ATP2B2: variants seen among roughly 807,000 people sequenced by gnomAD.
The protein encoded by ATP2B2 is ATPase plasma membrane Ca2+ transporting 2.
A neutral mutation model predicts 120.0 loss-of-function variants in ATP2B2; 15 were observed. The ratio of observed to expected loss-of-function variants is 0.12; its 90% CI spans 0.08 to 0.19. The LOEUF (loss-of-function observed/expected upper bound fraction) is 0.19. ATP2B2 is among the 10% of genes least tolerant of loss of function. ATP2B2 has a pLI of 1.00. For synonymous variants in ATP2B2, 694 were observed against 700.3 expected (o/e 0.99, Z 0.14); for missense variants, 1,045 against 1,719.8 (o/e 0.61, Z 6.94).
chr3:10,583,451 G>T lies in ATP2B2; in HGVS notation c.-415+36466C>A, dbSNP rs185897484. Among the ~76,000 whole-genome samples, 117 of 152,286 alleles carry T rather than the reference G, an allele frequency of 7.7e-4. 1 individual carries two copies. Among genetic ancestry groups the T allele is most frequent in the Admixed American group, 1.4e-3 (21 of 15,302 alleles). On this transcript the variant is annotated intron_variant, in intron 2 of 21. Coordinates refer to the ATP2B2 transcript ENST00000646379. ...AGCTGGTTCCTTGACCCTAAGCCCT[G>T]TTTGTCCTAGCCTGAGCAGGTATAG...
chr3:10,337,022 C>A (rs969760688), intron 22 of ATP2B2, among the ~76,000 whole-genome samples: 12 of 152,140 alleles, frequency 7.9e-5, no homozygotes, highest in Non-Finnish European at 1.6e-4. Flanking sequence ...GGCTGCGGGG[C>A]CCTAACCAGG....
chr3:10,397,014 A>G (rs1270798665), intron 5 of ATP2B2, among the ~76,000 whole-genome samples: 1 of 152,188 alleles, frequency 6.6e-6, no homozygotes, highest in Non-Finnish European at 1.5e-5. Flanking sequence ...CACTTACATC[A>G]TATCATGAAT....
chr3:10,568,274 A>G (rs190909868), intron 2 of ATP2B2, among the ~76,000 whole-genome samples: 34 of 152,284 alleles, frequency 2.2e-4, no homozygotes, highest in Admixed American at 2.2e-3. Flanking sequence ...GGTACTGTGA[A>G]CCAAGCCAGC....
intron 14 of ATP2B2, among the ~76,000 whole-genome samples, chr3:10,356,315 G>T (rs1055521855): frequency 6.6e-6 from 1 of 152,108 alleles, no homozygotes; most frequent in African/African-American, 2.4e-5. Flanking sequence ...ATTGGGGTTT[G>T]TGCGGGAAGG....
At chr3:10,594,068 C>A (rs1264006019) in intron 2 of ATP2B2, among the ~76,000 whole-genome samples, 1 of 152,196 alleles carries the variant, frequency 6.6e-6, no homozygotes, top group Non-Finnish European at 1.5e-5. Context: ...CAGGAAACAA[C>A]AGATGCTGGA....
At chr3:10,377,833 T>G (rs2061422827) in intron 10 of ATP2B2, among the ~76,000 whole-genome samples, 1 of 152,238 alleles carries the variant, frequency 6.6e-6, no homozygotes, top group Admixed American at 6.5e-5. Context: ...CTGCACCCTC[T>G]CCAGCTGCTG....
At chr3:10,459,726 A>T (rs2064407268) in intron 1 of ATP2B2, among the ~76,000 whole-genome samples, 1 of 152,226 alleles carries the variant, frequency 6.6e-6, no homozygotes, top group Non-Finnish European at 1.5e-5. Context: ...CAACACCAAC[A>T]TCATTCCTGC....
chr3:10,397,415 G>T (rs1050663164), intron 5 of ATP2B2, among the ~76,000 whole-genome samples: 2 of 152,190 alleles, frequency 1.3e-5, no homozygotes, highest in Non-Finnish European at 1.5e-5. Flanking sequence ...ATTTGAGATG[G>T]TTTGTGCAGT....
At chr3:10,566,094 T>C (rs1193352584) in intron 2 of ATP2B2, among the ~76,000 whole-genome samples, 1 of 152,170 alleles carries the variant, frequency 6.6e-6, no homozygotes, top group Non-Finnish European at 1.5e-5. Context: ...TTCCACTGAT[T>C]TCTCCACCCA....
chr3:10,342,699 C>T lies in ATP2B2; in HGVS notation c.2917+53G>A. The T allele has an allele frequency of 6.3e-7, 1 of 1,593,254 alleles. No individual in the cohort carries two copies. Among genetic ancestry groups the T allele is most frequent in the Non-Finnish European group, 8.6e-7 (1 of 1,162,366 alleles). ...AATGCTGGGTGAGAGCCATGGTGCACCCAGAAGGTGATGACCCCGCCTGGG... is the reference window on the plus strand; with the variant it reads ...AATGCTGGGTGAGAGCCATGGTGCATCCAGAAGGTGATGACCCCGCCTGGG... On this transcript the variant is annotated intron_variant, in intron 19 of 22. Transcript: ENST00000360273. This position sits in a 1 kb window ranked among gnomAD's most constrained non-coding sequence, Gnocchi z 4.4.
intron 21 of ATP2B2, among the ~76,000 whole-genome samples, chr3:10,339,789 A>AC (rs1559529662): frequency 6.6e-6 from 1 of 152,158 alleles, no homozygotes. Flanking sequence ...GCGCCCGCAG[A>AC]CCACTGATTC....
At chr3:10,450,511 G>C (rs1367712159) in intron 1 of ATP2B2, among the ~76,000 whole-genome samples, 1 of 152,096 alleles carries the variant, frequency 6.6e-6, no homozygotes, top group Non-Finnish European at 1.5e-5. Flanking sequence ...CATAGGCATG[G>C]GGATGGGAGA....
intron 1 of ATP2B2, among the ~76,000 whole-genome samples, chr3:10,477,954 A>G (rs1575352065): frequency 6.6e-6 from 1 of 152,108 alleles, no homozygotes; most frequent in African/African-American, 2.4e-5. Context: ...TTTTTGAGGG[A>G]CCACTATATG....
At chr3:10,351,849 C>T (rs2060588326) in intron 14 of ATP2B2, among the ~76,000 whole-genome samples, 1 of 152,210 alleles carries the variant, frequency 6.6e-6, no homozygotes. Flanking sequence ...GCCAGCAAGC[C>T]ACTGGAAGCT....
chr3:10,676,922 G>A (rs1276902621), intron 1 of ATP2B2, among the ~76,000 whole-genome samples: 2 of 152,344 alleles, frequency 1.3e-5, no homozygotes, highest in East Asian at 3.9e-4. Flanking sequence ...AAATGCTGGT[G>A]AGGAGGTAGA....
chr3:10,669,851 G>A (rs2071048698), intron 1 of ATP2B2, among the ~76,000 whole-genome samples: 1 of 152,138 alleles, frequency 6.6e-6, no homozygotes, highest in Admixed American at 6.5e-5. Context: ...AATTTGTGTG[G>A]GTTACCCGAG....
At chr3:10,388,132 G>T in intron 6 of ATP2B2, 145 bp downstream of exon 6, 2 of 1,201,448 alleles carry the variant, frequency 1.7e-6, no homozygotes, top group East Asian at 2.4e-5. Flanking sequence ...GCCCATGCAG[G>T]CCTTAAGGAT....
chr3:10,438,051 G>C (rs761700203), intron 2 of ATP2B2, among the ~76,000 whole-genome samples: 18 of 152,190 alleles, frequency 1.2e-4, no homozygotes, highest in Non-Finnish European at 2.5e-4. Context: ...GGAGCCAGGA[G>C]GTTGCAGGGG....
chr3:10,553,279 TCCTGAAAGCAGGGA>T (rs1270894246), intron 2 of ATP2B2, among the ~76,000 whole-genome samples: 1 of 152,210 alleles, frequency 6.6e-6, no homozygotes, highest in African/African-American at 2.4e-5. Context: ...GACTGGAAGC[TCCTGAAAGCAGGGA>T]CCACGTCTGG....
Sources: allele counts gnomAD v4.1 joint callset (sites outside exome capture counted in the v4.1 genomes callset), GRCh38; gene constraint gnomAD v4.1.1; non-coding constraint Gnocchi (gnomAD v3.1); transcripts MANE v1.5; gene names NCBI Gene and HGNC (gene_info 2026-07-23, HGNC 2026-07-21).